ORC4: variants seen among roughly 807,000 people sequenced by gnomAD.
ORC4 encodes origin recognition complex subunit 4.
Under a neutral mutation model 63.9 loss-of-function variants are expected in ORC4, and 55 were observed. That is an observed-to-expected ratio of 0.86 (90% CI 0.69 to 1.08). The LOEUF is 1.08. Among genes scored for constraint, ORC4 ranks in the 50% least tolerant of loss-of-function variants. ORC4 has a pLI of 0.00. For missense variants in ORC4, 511 were observed against 504.4 expected, an observed-to-expected ratio of 1.01 and a Z score of -0.13; for synonymous variants, 150 against 168.5, an observed-to-expected ratio of 0.89 and a Z score of 0.85.
chr2:148,000,024 A>C (rs1692202136), intron 1 of ORC4, among the ~76,000 whole-genome samples: 1 of 151,702 alleles, frequency 6.6e-6, no homozygotes, highest in Non-Finnish European at 1.5e-5. Flanking sequence ...AAAGTCTCAA[A>C]AGTTTGAAAA....
chr2:147,935,749 C>T (rs999680428), intron 13 of ORC4, 51 bp from the exon 14 acceptor site: 4 of 1,439,100 alleles, frequency 2.8e-6, no homozygotes, highest in Middle Eastern at 2.4e-4. Context: ...AGAGTGACAA[C>T]TCTCCTGTTC....
At chr2:148,003,540 G>A (rs1034774427) in intron 1 of ORC4, among the ~76,000 whole-genome samples, 13 of 152,024 alleles carry the variant, frequency 8.6e-5, no homozygotes, top group Non-Finnish European at 1.9e-4. Context: ...TGTAGAAAAC[G>A]CCTTCGACAA....
At chr2:147,965,768 A>G (rs1331563128) in intron 4 of ORC4, among the ~76,000 whole-genome samples, 3 of 152,240 alleles carry the variant, frequency 2.0e-5, no homozygotes, top group African/African-American at 2.4e-5. Context: ...CAGAATGTAC[A>G]TTCTTCTCAT....
intron 1 of ORC4, among the ~76,000 whole-genome samples, chr2:147,980,151 G>A (rs572968874): frequency 6.6e-6 from 1 of 151,862 alleles, no homozygotes; most frequent in East Asian, 1.9e-4. Flanking sequence ...CTGCTAACAG[G>A]TTAAAATCCA....
At chr2:148,008,641 C>T (rs1357830929) in intron 1 of ORC4, among the ~76,000 whole-genome samples, 1 of 152,170 alleles carries the variant, frequency 6.6e-6, no homozygotes, top group Non-Finnish European at 1.5e-5. Context: ...TACCTGCTAC[C>T]TGCTCTGCCC....
Position 147,935,257 on chromosome 2 carries a change from G to T in ORC4, c.*253C>A. 1 of 496,842 alleles carries T rather than the reference G, an allele frequency of 2.0e-6. No homozygotes were observed. The highest frequency in any genetic ancestry group is 2.1e-5 in the South Asian group (1 of 47,160). The allele number at this position is 496,842 out of a possible 1,614,324, so 30.8% of individuals were successfully genotyped here. On this transcript the variant is annotated 3_prime_UTR_variant, in exon 14 of 14. Coordinates refer to ENST00000392857, the MANE Select transcript of ORC4 (RefSeq NM_181741.4). ...TATATAAGTGTTAAAAAAGCACATG[G>T]TCTAGTCCCTAAAACAGTCATATTT... is the stretch of plus-strand genomic sequence containing the variant.
chr2:147,989,402 A>C (rs574383302), intron 1 of ORC4, among the ~76,000 whole-genome samples: 2 of 152,182 alleles, frequency 1.3e-5, no homozygotes, highest in Admixed American at 1.3e-4. Flanking sequence ...TTTGTTAAAA[A>C]TATAAAAACA....
intron 1 of ORC4, among the ~76,000 whole-genome samples, chr2:148,011,446 G>A (rs191775934): frequency 7.1e-4 from 108 of 152,216 alleles, no homozygotes; most frequent in Admixed American, 6.9e-3. Context: ...AAAACTCTCA[G>A]CAAACTGGGG....
chr2:147,991,551 G>A (rs188815080), intron 1 of ORC4, among the ~76,000 whole-genome samples: 4 of 152,144 alleles, frequency 2.6e-5, no homozygotes, highest in East Asian at 1.9e-4. Flanking sequence ...ACAGTTGGCC[G>A]GGCATGGTGG....
chr2:147,943,479 T>A lies in ORC4; in HGVS notation c.806A>T (p.His269Leu). The change falls in exon 10 of 14, where the codon CAT becomes CTT. Residue 269 changes from histidine to leucine, a missense_variant. His to Leu is a moderately conservative substitution (Grantham distance 99, BLOSUM62 -3). Coordinates refer to ENST00000392857, the MANE Select transcript of ORC4 (RefSeq NM_181741.4). ...DRSVQEVLQK[H>L]FNISKNLRSL... ...CCGCAGGTTTTTGCTGATATTGAAA[T>A]GCTTCTGTAGTACTTCTTGCACACT... is the stretch of plus-strand genomic sequence containing the variant. The A allele has an allele frequency of 6.2e-7, 1 of 1,606,682 alleles. No individual in the cohort carries two copies. The highest frequency in any genetic ancestry group is 8.5e-7 in the Non-Finnish European group (1 of 1,174,728).
chr2:148,009,663 A>G (rs1404806993), intron 1 of ORC4, among the ~76,000 whole-genome samples: 2 of 152,192 alleles, frequency 1.3e-5, no homozygotes, highest in Non-Finnish European at 2.9e-5. Context: ...CATTGGACAG[A>G]TCATCTAGAC....
chr2:147,944,554 G>A (rs1688550216), intron 9 of ORC4, among the ~76,000 whole-genome samples: 1 of 152,004 alleles, frequency 6.6e-6, no homozygotes, highest in Admixed American at 6.6e-5. Flanking sequence ...AGTAATTAGG[G>A]TTGAATGGAA....
intron 13 of ORC4, among the ~76,000 whole-genome samples, chr2:147,937,757 T>C (rs1688131783): frequency 6.6e-6 from 1 of 152,198 alleles, no homozygotes; most frequent in African/African-American, 2.4e-5. Flanking sequence ...ACTTTCTCTG[T>C]ATGCCCTCAC....
chr2:147,992,884 A>C (rs1419605480), intron 1 of ORC4, among the ~76,000 whole-genome samples: 1 of 152,174 alleles, frequency 6.6e-6, no homozygotes, highest in East Asian at 1.9e-4. Context: ...CAGCCACAGA[A>C]CCTAAATATA....
intron 11 of ORC4, chr2:147,938,793 T>G: frequency 3.0e-6 from 1 of 338,566 alleles, no homozygotes; most frequent in Non-Finnish European, 5.6e-6. Flanking sequence ...GTGTATTCCT[T>G]TTTTCCCCGG....
rs1461904356 is a variant in ORC4, at chr2:147,933,412, G to A, written c.*2098C>T. ...GTTCCTCCCCACAAAAATGCCTTGG[G>A]AATATAATAGGCGTACACTTCATTT... On this transcript the variant is annotated 3_prime_UTR_variant, in exon 14 of 14. Coordinates refer to ENST00000392857, the MANE Select transcript of ORC4 (RefSeq NM_181741.4). 6.6e-6 allele frequency: 1 copy of A among 151,996 alleles called. No individual in the cohort carries two copies. Among genetic ancestry groups the A allele is most frequent in the East Asian group, 1.9e-4 (1 of 5,184 alleles). The allele number at this position is 151,996 out of a possible 1,614,324, so 9.4% of individuals were successfully genotyped here.
chr2:148,006,572 A>G (rs1483289268), intron 1 of ORC4, among the ~76,000 whole-genome samples: 1 of 152,176 alleles, frequency 6.6e-6, no homozygotes, highest in Non-Finnish European at 1.5e-5. Context: ...TTGCAACCGG[A>G]GTATTGGTTC....
intron 4 of ORC4, among the ~76,000 whole-genome samples, chr2:147,970,535 T>C (rs1293815479): frequency 1.3e-5 from 2 of 150,354 alleles, no homozygotes; most frequent in South Asian, 2.1e-4. Flanking sequence ...CACATAAACA[T>C]AGTCAACTGA....
intron 1 of ORC4, among the ~76,000 whole-genome samples, chr2:147,983,979 C>T (rs915458271): frequency 6.6e-6 from 1 of 152,184 alleles, no homozygotes; most frequent in Admixed American, 6.5e-5. Context: ...TGACATTAGA[C>T]AATCTGGCAG....
Sources: gnomAD v4.1 joint callset for allele counts (sites outside exome capture counted in the v4.1 genomes callset) on GRCh38, gnomAD v4.1.1 for gene constraint, MANE v1.5 for transcripts, NCBI Gene and HGNC (gene_info 2026-07-23, HGNC 2026-07-21) for gene names.